RPS24: variants seen among roughly 807,000 people sequenced by gnomAD.
RPS24 encodes the protein small ribosomal subunit protein eS24.
For synonymous variants in RPS24, 72 were observed against 55.6 expected (o/e 1.30, Z -1.31); for missense variants, 100 against 162.5 (o/e 0.62, Z 2.09).
At chr10:78,040,706 G>A, downstream of RPS24, 1 of 1,609,344 alleles carries the variant, frequency 6.2e-7, no homozygotes, top group Non-Finnish European at 8.5e-7. Flanking sequence ...CATGTGTCTG[G>A]TTGTTTGAAA....
intron 3 of RPS24, 81 bp downstream of exon 3, chr10:78,035,801 G>A (rs1037078795): frequency 9.3e-7 from 1 of 1,074,302 alleles, no homozygotes. Context: ...GGTAAAAAGG[G>A]CAAGACCAAG....
downstream of RPS24, among the ~76,000 whole-genome samples, chr10:78,043,118 C>G (rs1848004464): frequency 6.6e-6 from 1 of 152,190 alleles, no homozygotes; most frequent in Admixed American, 6.5e-5. Flanking sequence ...ATTCTCCTGC[C>G]TCAGCCTCCC....
chr10:78,052,070 G>T (rs1427696576), intron 4 of RPS24, among the ~76,000 whole-genome samples: 1 of 152,082 alleles, frequency 6.6e-6, no homozygotes, highest in Non-Finnish European at 1.5e-5. Context: ...CTGTCGCCCA[G>T]GCTGGAGTAC....
Position 78,040,656 on chromosome 10 carries a change from CTG to C in RPS24, c.*64_*65del, listed in dbSNP as rs1847973991. ...GCTGCAATGATGTTAGCTGTGGCCA[CTG>C]TGGATTTTTCGCAAGAACATTAATA... On this transcript the variant is annotated 3_prime_UTR_variant, in exon 6 of 6. Coordinates refer to ENST00000372360, the MANE Select transcript of RPS24 (RefSeq NM_033022.4). 6.8e-6 allele frequency: 11 copies of C among 1,614,014 alleles called. No homozygotes were observed. Among genetic ancestry groups the C allele is most frequent in the Middle Eastern group, 1.6e-4 (1 of 6,084 alleles).
chr10:78,035,804 A>G (rs901229762), intron 3 of RPS24, 84 bp downstream of exon 3: 15 of 1,078,768 alleles, frequency 1.4e-5, no homozygotes, highest in African/African-American at 3.1e-5. Flanking sequence ...AAAAAGGGCA[A>G]GACCAAGCAA....
chr10:78,055,288 C>T, exon 5 of RPS24: 2 of 368,882 alleles, frequency 5.4e-6, no homozygotes, highest in East Asian at 4.1e-5. Context: ...TTTAATTTTT[C>T]CTCGTCAGCA....
Position 78,033,915 on chromosome 10 carries a change from C to G in RPS24, c.3+11C>G, listed in dbSNP as rs761058977. On this transcript the variant is annotated intron_variant, in intron 1 of 5. Coordinates refer to ENST00000372360, the MANE Select transcript of RPS24 (RefSeq NM_033022.4). Reference sequence around the variant, plus strand: ...TAGATCGCCATCATGGTGAGTCTCCCTGGGCCCGTGCAGTCATCTGCCGCG... The same window carrying G: ...TAGATCGCCATCATGGTGAGTCTCCGTGGGCCCGTGCAGTCATCTGCCGCG... The G allele has an allele frequency of 1.9e-6, 3 of 1,613,940 alleles. No individual in the cohort carries two copies. The highest frequency in any genetic ancestry group is 1.3e-5 in the African/African-American group (1 of 74,930).
Position 78,035,348 on chromosome 10 carries a change from T to G in RPS24, c.4-4T>G. The G allele has an allele frequency of 6.2e-7, 1 of 1,613,798 alleles. No individual in the cohort carries two copies. The highest frequency in any genetic ancestry group is 8.5e-7 in the Non-Finnish European group (1 of 1,179,706). On this transcript the variant is annotated splice_polypyrimidine_tract_variant and splice_region_variant and intron_variant, in intron 1 of 5. Transcript: ENST00000372360. ...TTTATTAACCAGAGTGTTTATGTTT[T>G]CAGAACGACACCGTAACTATCCGCA...
chr10:78,034,086 G>C, intron 1 of RPS24, 182 bp downstream of exon 1: 2 of 740,320 alleles, frequency 2.7e-6, no homozygotes, highest in Non-Finnish European at 4.7e-6. Context: ...GGCGGGCTGC[G>C]CTGTAGACCC....
In RPS24 at chr10:78,037,142, G is replaced by A. The variant is rs144762118; in HGVS notation, c.280-52G>A. 2.2e-3 allele frequency: 3,391 copies of A among 1,561,514 alleles called. 40 individuals are homozygous for A. The East Asian group carries it at 0.023, about 10-fold the overall frequency. On this transcript the variant is annotated intron_variant, in intron 3 of 5. Transcript: ENST00000372360. ...GTCAGTTTCCCTACCAGAGTGGTGG[G>A]TAATGATTTTAATGTTTACAAGTCA...
intron 4 of RPS24, chr10:78,037,924 TTGC>T (rs374681587): frequency 3.0e-6 from 3 of 1,000,108 alleles, no homozygotes; most frequent in Admixed American, 3.4e-5. Flanking sequence ...TTTTTTTTTT[TTGC>T]TTTTCCTCTC....
chr10:78,041,906 A>C (rs1241972963), downstream of RPS24, among the ~76,000 whole-genome samples: 1 of 152,170 alleles, frequency 6.6e-6, no homozygotes, highest in East Asian at 1.9e-4. Context: ...CGAAGTGGGG[A>C]GGCTTTTCTG....
intron 4 of RPS24, among the ~76,000 whole-genome samples, chr10:78,051,492 T>A (rs1395331094): frequency 6.6e-6 from 1 of 152,230 alleles, no homozygotes; most frequent in South Asian, 2.1e-4. Context: ...AGTTGATGGA[T>A]ATTTGTGTTG....
At chr10:78,038,437 GA>G (rs1430538468) in intron 4 of RPS24, 2 of 152,434 alleles carry the variant, frequency 1.3e-5, no homozygotes, top group African/African-American at 4.8e-5. Flanking sequence ...ACTAGTCTGT[GA>G]AATCTGGCAA....
chr10:78,054,543 G>A, exon 5 of RPS24: 1 of 1,540,010 alleles, frequency 6.5e-7, no homozygotes, highest in African/African-American at 1.4e-5. Context: ...GAGGGAATTG[G>A]GGCTTGGAGT....
chr10:78,052,753 C>A (rs1848112095), intron 4 of RPS24, among the ~76,000 whole-genome samples: 1 of 152,124 alleles, frequency 6.6e-6, no homozygotes, highest in African/African-American at 2.4e-5. Flanking sequence ...AGAGACGTAC[C>A]CTTGGTCAAG....
chr10:78,035,454 T>A, intron 2 of RPS24, 37 bp downstream of exon 2: 2 of 1,613,154 alleles, frequency 1.2e-6, no homozygotes, highest in Non-Finnish European at 1.7e-6. Context: ...TTAATTGTCC[T>A]TTACTCTAAA....
At chr10:78,047,270 C>G (rs545525689) in intron 4 of RPS24, among the ~76,000 whole-genome samples, 1 of 151,992 alleles carries the variant, frequency 6.6e-6, no homozygotes, top group East Asian at 1.9e-4. Context: ...CCAGCCAGAA[C>G]CTGTGTTTTG....
Position 78,033,919 on chromosome 10 carries a change from G to T in RPS24, c.3+15G>T, listed in dbSNP as rs764832484. The T allele has an allele frequency of 3.1e-6, 5 of 1,613,866 alleles. No individual in the cohort carries two copies. Among genetic ancestry groups the T allele is most frequent in the East Asian group, 2.2e-5 (1 of 44,892 alleles). ...TCGCCATCATGGTGAGTCTCCCTGGGCCCGTGCAGTCATCTGCCGCGTATC... is the reference window on the plus strand; with the variant it reads ...TCGCCATCATGGTGAGTCTCCCTGGTCCCGTGCAGTCATCTGCCGCGTATC... On this transcript the variant is annotated intron_variant, in intron 1 of 5. Transcript: ENST00000372360.
Sources: gnomAD v4.1 joint callset for allele counts (sites outside exome capture counted in the v4.1 genomes callset) on GRCh38, gnomAD v4.1.1 for gene constraint, MANE v1.5 for transcripts, NCBI Gene and HGNC (gene_info 2026-07-23, HGNC 2026-07-21) for gene names.